The following GNL3L variants were observed in gnomAD, a reference collection of about 807,000 sequenced individuals.
The protein encoded by GNL3L is G protein nucleolar 3 like.
A neutral mutation model predicts 42.9 loss-of-function variants in GNL3L; 4 were observed. The observed-to-expected ratio is 0.09, with a 90% CI of 0.05 to 0.21. The LOEUF is 0.21. GNL3L is among the 10% of genes least tolerant of loss of function. GNL3L has a pLI of 1.00. For synonymous variants in GNL3L, 159 were observed against 176.3 expected (o/e 0.90, Z 0.78); for missense variants, 412 against 481.7 (o/e 0.86, Z 1.36).
At position 54,572,873 on chromosome X, in the gene GNL3L, G is replaced by A. The variant is rs1174576178; in HGVS notation, c.*45+12226G>A. 5.7e-5 allele frequency among the ~76,000 whole-genome samples: 6 copies of A among 104,879 alleles called. No individual in the cohort carries two copies. In the East Asian group the frequency reaches 9.0e-4, roughly 16 times the overall value. The allele number at this position is 104,879 out of a possible 115,157, so 91.1% of individuals were successfully genotyped here. A position where few individuals can be genotyped will look rare whatever the true frequency, so the allele number is the denominator to read the frequency against. ...CGCTCCTCACCTCCCAGACGGGGTC[G>A]CAGCCGGGCAGAGGCGCTCCTCACA... On this transcript the variant is annotated intron_variant, in intron 16 of 16. Transcript: ENST00000674498.
chrX:54,615,035 C>A (rs1012814529), intron 16 of GNL3L, among the ~76,000 whole-genome samples: 3 of 111,818 alleles, frequency 2.7e-5, no homozygotes, highest in Admixed American at 9.5e-5. Flanking sequence ...CTCATCACCC[C>A]AAAAGAAAAC....
Position 54,552,340 on chromosome X carries a change from C to T in GNL3L, c.1230C>T (p.Pro410=), listed in dbSNP as rs777491693. The T allele has an allele frequency of 3.3e-6, 4 of 1,204,437 alleles. No homozygotes were observed. In the Admixed American group the frequency reaches 6.5e-5, roughly 20 times the overall value. Residue 410 remains proline (P), a synonymous_variant, in exon 13 of 16, where the codon CCC becomes CCT. Transcript: ENST00000360845. ...YIPPPATHTL[P]THLSAEIVKE... ...CACCACCAGCCACTCACACTCTGCCCACCCATCTCAGTGCTGAGATCGTTA... is the reference window on the plus strand; with the variant it reads ...CACCACCAGCCACTCACACTCTGCCTACCCATCTCAGTGCTGAGATCGTTA...
At chrX:54,546,260 G>GT (rs923590829) in intron 8 of GNL3L, among the ~76,000 whole-genome samples, 3 of 109,587 alleles carry the variant, frequency 2.7e-5, no homozygotes, top group South Asian at 3.8e-4. Flanking sequence ...CTGTGGCTTA[G>GT]TTTTTTTTTT....
At chrX:54,531,060 C>T (rs1053789501) in intron 1 of GNL3L, among the ~76,000 whole-genome samples, 3 of 111,500 alleles carry the variant, frequency 2.7e-5, no homozygotes, top group Non-Finnish European at 5.7e-5. Context: ...CAGACCTGAT[C>T]CCTACTTCCG....
intron 8 of GNL3L, among the ~76,000 whole-genome samples, chrX:54,546,935 C>T (rs1028066968): frequency 9.1e-6 from 1 of 110,121 alleles, no homozygotes. Flanking sequence ...TTTGAGCCAC[C>T]GTGCCCAGCT....
intron 16 of GNL3L, among the ~76,000 whole-genome samples, chrX:54,577,335 A>G (rs1408253119): frequency 8.9e-6 from 1 of 112,129 alleles, no homozygotes; most frequent in Non-Finnish European, 1.9e-5. Flanking sequence ...CATATATTCA[A>G]GGTGTACAGT....
intron 16 of GNL3L, among the ~76,000 whole-genome samples, chrX:54,572,812 T>G (rs1318138116): frequency 1.2e-5 from 1 of 82,123 alleles, no homozygotes; most frequent in Non-Finnish European, 2.3e-5. Flanking sequence ...GGGCGGAGGG[T>G]CTCCTCACTT....
intron 16 of GNL3L, among the ~76,000 whole-genome samples, chrX:54,603,144 T>C (rs1273216093): frequency 9.0e-6 from 1 of 111,465 alleles, no homozygotes; most frequent in Non-Finnish European, 1.9e-5. Context: ...GACCCTGAAG[T>C]AAATTTGAAG....
chrX:54,624,438 CTTTTTTTT>C (rs761943977), downstream of GNL3L, among the ~76,000 whole-genome samples: 9 of 82,475 alleles, frequency 1.1e-4, no homozygotes, highest in African/African-American at 4.7e-4. Context: ...TTTTCTTTTT[CTTTTTTTT>C]TTTTTTTTTG....
intron 2 of GNL3L, among the ~76,000 whole-genome samples, chrX:54,537,289 G>T (rs182235547): frequency 9.1e-6 from 1 of 110,405 alleles, no homozygotes; most frequent in Non-Finnish European, 1.9e-5. Context: ...CTCCCAAAAT[G>T]CTGGGATGAC....
At chrX:54,633,806 C>T in the GNL3L span, among the ~76,000 whole-genome samples, 4 of 112,658 alleles carry the variant, frequency 3.6e-5, no homozygotes, top group Middle Eastern at 4.6e-3. Flanking sequence ...CTCTGGTATG[C>T]AGGGCTGAGA....
chrX:54,541,500 G>A (rs1046842796), intron 5 of GNL3L, 111 bp downstream of exon 5: 1 of 334,803 alleles, frequency 3.0e-6, no homozygotes, highest in Non-Finnish European at 5.7e-6. Flanking sequence ...GGGAATCAGT[G>A]TAGAGAGGAT....
exon 17 of GNL3L, among the ~76,000 whole-genome samples, chrX:54,620,943 T>C (rs1454840983): frequency 1.8e-5 from 2 of 112,579 alleles, no homozygotes; most frequent in Non-Finnish European, 3.7e-5. Context: ...TTTTTCTATG[T>C]TTCTTTTAAA....
intron 16 of GNL3L, among the ~76,000 whole-genome samples, chrX:54,585,404 G>A (rs754668293): frequency 1.4e-3 from 152 of 110,586 alleles, no homozygotes; most frequent in Non-Finnish European, 2.3e-3. Context: ...TCTTTGTTGG[G>A]ATATTTTTTG....
intron 1 of GNL3L, 141 bp downstream of exon 1, chrX:54,530,560 G>T (rs1924213979): frequency 8.9e-6 from 1 of 112,091 alleles, no homozygotes; most frequent in Admixed American, 9.4e-5. Flanking sequence ...ACCTAGAAAG[G>T]TGTAGACCCG....
chrX:54,546,090 G>A (rs1238704751), intron 8 of GNL3L, among the ~76,000 whole-genome samples: 2 of 112,143 alleles, frequency 1.8e-5, no homozygotes, highest in African/African-American at 6.5e-5. Flanking sequence ...TGAACTCCTG[G>A]CCTCAAGTGA....
At chrX:54,570,293 A>G (rs897382646), downstream of GNL3L, among the ~76,000 whole-genome samples, 2 of 112,052 alleles carry the variant, frequency 1.8e-5, no homozygotes, top group Non-Finnish European at 3.8e-5. Flanking sequence ...TGACCCCACT[A>G]TCATTCTGAA....
At chrX:54,628,019 A>G in the GNL3L span, among the ~76,000 whole-genome samples, 1 of 110,378 alleles carries the variant, frequency 9.1e-6, no homozygotes, top group Admixed American at 9.7e-5. Context: ...CTTCCCCCTA[A>G]GTCCCCAAAG....
At chrX:54,539,773 A>G (rs113469813) in intron 3 of GNL3L, among the ~76,000 whole-genome samples, 1 of 111,663 alleles carries the variant, frequency 9.0e-6, no homozygotes, top group Non-Finnish European at 1.9e-5. Context: ...TCACTTATCT[A>G]GAAAGGTTTT....
Sources: allele counts gnomAD v4.1 joint callset (sites outside exome capture counted in the v4.1 genomes callset), GRCh38; gene constraint gnomAD v4.1.1; transcripts MANE v1.5; gene names NCBI Gene and HGNC (gene_info 2026-07-23, HGNC 2026-07-21).